Variants in GHITM observed in about 807,000 individuals in gnomAD.
GHITM encodes growth hormone-inducible transmembrane protein.
Under a neutral mutation model 38.7 loss-of-function variants are expected in GHITM, and 24 were observed. That is an observed-to-expected ratio of 0.62 (90% CI 0.45 to 0.87). GHITM has a LOEUF of 0.87. GHITM is among the 40% of genes least tolerant of loss of function. The pLI is 0.00. For synonymous variants in GHITM, 154 were observed against 147.8 expected (o/e 1.04, Z -0.30); for missense variants, 420 against 429.8 (o/e 0.98, Z 0.20).
chr10:84,147,754 C>T (rs1456064947), intron 5 of GHITM, among the ~76,000 whole-genome samples: 1 of 152,044 alleles, frequency 6.6e-6, no homozygotes. Context: ...CATGTTAATA[C>T]ATTCTTCTTG....
At chr10:84,145,925 G>A (rs1204246139) in intron 5 of GHITM, among the ~76,000 whole-genome samples, 1 of 152,220 alleles carries the variant, frequency 6.6e-6, no homozygotes, top group African/African-American at 2.4e-5. Context: ...GCCAGGTGCA[G>A]TGGCTCACAC....
At chr10:84,149,064 A>G (rs950414797) in intron 6 of GHITM, among the ~76,000 whole-genome samples, 3 of 152,220 alleles carry the variant, frequency 2.0e-5, no homozygotes, top group Non-Finnish European at 2.9e-5. Flanking sequence ...CTGACAGTCT[A>G]GTATATGCAG....
rs544043451 is a variant in GHITM, at chr10:84,144,791, T to C, written c.342-84T>C. On this transcript the variant is annotated intron_variant, in intron 4 of 8. Transcript: ENST00000372134. ...AAGATTTAAAGTGTAAAATGATTTA[T>C]CCCGAGGTCGCCCAGCTAGTGTGTG... is the stretch of plus-strand genomic sequence containing the variant. 2.7e-4 allele frequency: 212 copies of C among 784,418 alleles called. 1 individual carries two copies. In the African/African-American group the frequency reaches 3.5e-3, roughly 13 times the overall value. The allele number at this position is 784,418 out of a possible 1,614,324, so 48.6% of individuals were successfully genotyped here. A position where few individuals can be genotyped will look rare whatever the true frequency, so the allele number is the denominator to read the frequency against.
At chr10:84,142,269 T>C (rs1342228223) in intron 2 of GHITM, among the ~76,000 whole-genome samples, 2 of 152,228 alleles carry the variant, frequency 1.3e-5, no homozygotes, top group Non-Finnish European at 2.9e-5. Context: ...TGACAAAATA[T>C]AGCTAATAAT....
At chr10:84,148,382 TC>T (rs750899642) in intron 5 of GHITM, among the ~76,000 whole-genome samples, 1 of 152,232 alleles carries the variant, frequency 6.6e-6, no homozygotes, top group Admixed American at 6.5e-5. Flanking sequence ...AACCTCCACC[TC>T]CCGGGTTCAA....
At chr10:84,149,848 G>T (rs890751812) in intron 6 of GHITM, among the ~76,000 whole-genome samples, 5 of 152,168 alleles carry the variant, frequency 3.3e-5, no homozygotes, top group Non-Finnish European at 7.4e-5. Flanking sequence ...GATTGATTAG[G>T]AATAGTGTTA....
In GHITM at chr10:84,142,739, G is replaced by GA. The variant is rs745461487; in HGVS notation, c.220dup (p.Ile74AsnfsTer3). On this transcript the variant is annotated frameshift_variant, in exon 3 of 9. Transcript: ENST00000372134. LOFTEE classifies it high-confidence loss of function. The stretch of plus-strand genomic sequence containing the variant: ...AGAGGCAGCATTGGAACCATCGATG[G>GA]AAAAAATATTTAAAAGTAGGTGGCT... 8 of 1,593,960 alleles carry GA rather than the reference G, an allele frequency of 5.0e-6. No homozygotes were observed. The highest frequency in any genetic ancestry group is 6.9e-6 in the Non-Finnish European group (8 of 1,163,336).
chr10:84,143,257 C>T (rs1011966915), intron 3 of GHITM, among the ~76,000 whole-genome samples: 8 of 152,132 alleles, frequency 5.3e-5, no homozygotes, highest in Admixed American at 1.3e-4. Flanking sequence ...TGTTAATCAT[C>T]CTAAAGCTAT....
chr10:84,150,187 T>A lies in GHITM; in HGVS notation c.725T>A (p.Leu242Gln). ...VAMCAPSEKF[L>Q]NMGAPLGVGL... is the part of the protein sequence containing the mutation. ...ATGTGTGCGCCCAGTGAAAAGTTTCTGAACATGGGTGCACCCCTGGGAGTG... is the reference window on the plus strand; with the variant it reads ...ATGTGTGCGCCCAGTGAAAAGTTTCAGAACATGGGTGCACCCCTGGGAGTG... The change falls in exon 7 of 9, where the codon CTG (leucine) becomes CAG (glutamine). Residue 242 changes from leucine (L) to glutamine (Q), a missense_variant. Leu to Gln is a moderately radical substitution (Grantham distance 113, BLOSUM62 -2). Coordinates refer to ENST00000372134, the MANE Select transcript of GHITM (RefSeq NM_014394.3). The A allele has an allele frequency of 1.2e-6, 2 of 1,613,728 alleles. No individual in the cohort carries two copies. Among genetic ancestry groups the A allele is most frequent in the Non-Finnish European group, 1.7e-6 (2 of 1,179,938 alleles).
At position 84,144,094 on chromosome 10, in the gene GHITM, T is replaced by C. The variant is rs1487291328; in HGVS notation, c.329T>C (p.Ile110Thr). Residue 110 changes from isoleucine to threonine, a missense_variant, in exon 4 of 9, where the codon ATT (isoleucine) becomes ACT (threonine). Ile to Thr is a moderately conservative substitution (Grantham distance 89). Coordinates refer to ENST00000372134, the MANE Select transcript of GHITM (RefSeq NM_014394.3). ...GLGLSNEIGA[I>T]EKAVIWPQYV... Reference sequence around the variant, plus strand: ...GGACTGTCTAATGAGATTGGAGCTATTGAAAAGGCTGTGTAAGTAAATTGT... The same window carrying C: ...GGACTGTCTAATGAGATTGGAGCTACTGAAAAGGCTGTGTAAGTAAATTGT... 2 of 1,605,658 alleles carry C rather than the reference T, an allele frequency of 1.2e-6. No homozygotes were observed. Among genetic ancestry groups the C allele is most frequent in the South Asian group, 2.2e-5 (2 of 90,924 alleles).
In GHITM at chr10:84,150,837, G is replaced by T. The variant is rs369560843; in HGVS notation, c.910G>T (p.Val304Leu). Residue 304 changes from valine (V) to leucine (L), a missense_variant, in exon 8 of 9, where the codon GTA becomes TTA. Transcript: ENST00000372134. ...CCAGAAAGTAATCAAGCGTGCAGAA[G>T]TATCACCAATGTATGGAGTTCAAAA... Reference protein sequence around the residue: ...DTQKVIKRAEVSPMYGVQKYD... With the variant: ...DTQKVIKRAELSPMYGVQKYD... The T allele has an allele frequency of 3.7e-6, 6 of 1,611,640 alleles. No homozygotes were observed. The African/African-American group carries it at 4.0e-5, about 11-fold the overall frequency.
intron 5 of GHITM, among the ~76,000 whole-genome samples, chr10:84,148,516 A>C (rs1841579694): frequency 6.6e-6 from 1 of 152,110 alleles, no homozygotes; most frequent in Non-Finnish European, 1.5e-5. Context: ...GGCTGGTCTC[A>C]AACTTCTGAC....
chr10:84,139,564 A>G lies in GHITM; in HGVS notation c.-69A>G, dbSNP rs1433670566. 6.6e-6 allele frequency: 1 copy of G among 152,310 alleles called. No individual in the cohort carries two copies. Among genetic ancestry groups the G allele is most frequent in the East Asian group, 1.9e-4 (1 of 5,196 alleles). The allele number at this position is 152,310 out of a possible 1,614,324, so 9.4% of individuals were successfully genotyped here. A position where few individuals can be genotyped will look rare whatever the true frequency, so the allele number is the denominator to read the frequency against. On this transcript the variant is annotated 5_prime_UTR_variant, in exon 1 of 9. Coordinates refer to ENST00000372134, the MANE Select transcript of GHITM (RefSeq NM_014394.3). ...CCGACGCTAGGGGCCCGGAAGGGAA[A>G]CTGCGAGGCGAAGGTGACCGGGGAC...
chr10:84,150,870 C>A lies in GHITM; in HGVS notation c.943C>A (p.Pro315Thr). The A allele has an allele frequency of 6.3e-7, 1 of 1,596,280 alleles. No homozygotes were observed. The highest frequency in any genetic ancestry group is 1.1e-5 in the South Asian group (1 of 90,704). Reference protein sequence around the residue: ...SPMYGVQKYDPINSMLSIYMD... With the variant: ...SPMYGVQKYDTINSMLSIYMD... ...AATGTATGGAGTTCAAAAATATGAT[C>A]CCATTAACTCGTAAGTAATGCTTTT... Residue 315 changes from proline to threonine, a missense_variant, in exon 8 of 9, where the codon CCC becomes ACC. Transcript: ENST00000372134.
intron 1 of GHITM, 83 bp from the exon 2 acceptor site, chr10:84,141,379 C>G: frequency 5.5e-6 from 4 of 722,104 alleles, no homozygotes; most frequent in African/African-American, 1.8e-5. Context: ...TTGACTCTGA[C>G]TCTCATATGT....
intron 7 of GHITM, 26 bp from the exon 8 acceptor site, chr10:84,150,683 A>G (rs752978592): frequency 1.9e-6 from 3 of 1,559,958 alleles, no homozygotes; most frequent in Admixed American, 2.0e-5. Flanking sequence ...TTTAAAAAAA[A>G]TCTTGTTTTC....
chr10:84,142,357 C>A (rs1319377442), intron 2 of GHITM, among the ~76,000 whole-genome samples: 4 of 152,140 alleles, frequency 2.6e-5, no homozygotes, highest in Non-Finnish European at 4.4e-5. Flanking sequence ...TATAACAATT[C>A]TAGGTATGTA....
rs1490674975 is a variant in GHITM at position 84,142,641 on chromosome 10, T to C, written c.130-14T>C. 1 of 1,577,176 alleles carries C rather than the reference T, an allele frequency of 6.3e-7. No homozygotes were observed. The highest frequency in any genetic ancestry group is 1.3e-5 in the African/African-American group (1 of 74,186). ...CATGTGGGTGGTACGTGTCTTTGTT[T>C]GCATGTGTGTCAGGAATATGCCACC... On this transcript the variant is annotated splice_polypyrimidine_tract_variant and intron_variant, in intron 2 of 8. Transcript: ENST00000372134.
chr10:84,144,906 C>A lies in GHITM; in HGVS notation c.373C>A (p.His125Asn). 5.6e-6 allele frequency: 9 copies of A among 1,603,090 alleles called. No individual in the cohort carries two copies. The highest frequency in any genetic ancestry group is 7.7e-6 in the Non-Finnish European group (9 of 1,172,674). ...GCCTCAGTATGTCAAGGATAGAATT[C>A]ATTCCACCTATATGTACTTAGCAGG... ...IWPQYVKDRI[H>N]STYMYLAGSI... The change falls in exon 5 of 9, where the codon CAT (histidine) becomes AAT (asparagine). Residue 125 changes from histidine to asparagine, a missense_variant. Transcript: ENST00000372134.
Sources: gnomAD v4.1 joint callset for allele counts (sites outside exome capture counted in the v4.1 genomes callset) on GRCh38, gnomAD v4.1.1 for gene constraint, MANE v1.5 for transcripts, NCBI Gene and HGNC (gene_info 2026-07-23, HGNC 2026-07-21) for gene names.